The following TMEM38B variants were observed in gnomAD, a reference collection of about 807,000 sequenced individuals.
TMEM38B encodes transmembrane protein 38B.
A neutral mutation model predicts 28.7 loss-of-function variants in TMEM38B; 24 were observed. The observed-to-expected ratio is 0.84, with a 90% CI of 0.61 to 1.18. TMEM38B has a LOEUF of 1.18. Among genes scored for constraint, TMEM38B ranks in the 50% most tolerant of loss-of-function variants. TMEM38B has a pLI of 0.00. For missense variants in TMEM38B, 380 were observed against 350.9 expected, an observed-to-expected ratio of 1.08 and a Z score of -0.66; for synonymous variants, 131 against 127.7, an observed-to-expected ratio of 1.03 and a Z score of -0.17.
chr9:105,736,014 A>T (rs1048622006), intron 4 of TMEM38B, among the ~76,000 whole-genome samples: 3 of 150,758 alleles, frequency 2.0e-5, no homozygotes, highest in African/African-American at 7.3e-5. Context: ...GTATTTAGAG[A>T]TTGCTGCACC....
intron 5 of TMEM38B, among the ~76,000 whole-genome samples, chr9:105,764,236 A>G (rs1281224753): frequency 2.0e-5 from 3 of 152,192 alleles, no homozygotes; most frequent in Admixed American, 6.5e-5. Flanking sequence ...GGCTAGGGCA[A>G]TTAAGCAGGA....
chr9:105,752,369 T>A (rs1393812010), intron 5 of TMEM38B, among the ~76,000 whole-genome samples: 2 of 152,196 alleles, frequency 1.3e-5, no homozygotes, highest in Non-Finnish European at 2.9e-5. Flanking sequence ...TCCTCCTGAC[T>A]GGGTGAGACC....
chr9:105,748,088 C>T lies in TMEM38B; in HGVS notation c.558C>T (p.Thr186=), dbSNP rs745961491. 1 of 1,612,554 alleles carries T rather than the reference C, an allele frequency of 6.2e-7. No homozygotes were observed. Among genetic ancestry groups the T allele is most frequent in the African/African-American group, 1.3e-5 (1 of 74,956 alleles). Reference sequence around the variant, plus strand: ...TTATTTTCAGCCCTGCCAAGGTAACCCTGCTGGGGTCAGTTATCTTCACAT... The same window carrying T: ...TTATTTTCAGCCCTGCCAAGGTAACTCTGCTGGGGTCAGTTATCTTCACAT... ...WLKMSYPAKV[T]LLGSVIFTFQ... Residue 186 remains threonine (T), a synonymous_variant, in exon 5 of 6, where the codon ACC becomes ACT. Coordinates refer to ENST00000374692, the MANE Select transcript of TMEM38B (RefSeq NM_018112.3).
At chr9:105,764,402 A>G (rs1212600522) in intron 5 of TMEM38B, among the ~76,000 whole-genome samples, 6 of 152,164 alleles carry the variant, frequency 3.9e-5, no homozygotes, top group African/African-American at 7.2e-5. Context: ...TACAAAATCA[A>G]TGTACAAAAA....
chr9:105,718,387 C>T (rs1174245069), intron 2 of TMEM38B, among the ~76,000 whole-genome samples: 3 of 151,902 alleles, frequency 2.0e-5, no homozygotes, highest in Non-Finnish European at 2.9e-5. Context: ...TATAGGCGCC[C>T]GCCACCATGC....
Position 105,773,908 on chromosome 9 carries a change from C to G in TMEM38B, c.704C>G (p.Pro235Arg). 2 of 1,613,716 alleles carry G rather than the reference C, an allele frequency of 1.2e-6. No homozygotes were observed. The highest frequency in any genetic ancestry group is 4.5e-5 in the East Asian group (2 of 44,874). The change falls in exon 6 of 6, where the codon CCT becomes CGT. Residue 235 changes from proline (P) to arginine (R), a missense_variant. Physicochemically the swap from Pro to Arg is moderately radical, Grantham distance 103. Coordinates refer to ENST00000374692, the MANE Select transcript of TMEM38B (RefSeq NM_018112.3). Reference sequence around the variant, plus strand: ...CAGACTTCTACTATGACATTTGCTCCTTTTGAGGATACATTGAGTTGGATG... The same window carrying G: ...CAGACTTCTACTATGACATTTGCTCGTTTTGAGGATACATTGAGTTGGATG... ...TTQTSTMTFA[P>R]FEDTLSWMLF... is the part of the protein sequence containing the mutation.
At chr9:105,708,784 C>T (rs1191764518) in intron 2 of TMEM38B, among the ~76,000 whole-genome samples, 1 of 152,084 alleles carries the variant, frequency 6.6e-6, no homozygotes, top group African/African-American at 2.4e-5. Flanking sequence ...ACCTCCTCTC[C>T]CATGACTATC....
chr9:105,738,391 C>T (rs1019155156), intron 4 of TMEM38B, among the ~76,000 whole-genome samples: 3 of 151,988 alleles, frequency 2.0e-5, no homozygotes, highest in Non-Finnish European at 4.4e-5. Flanking sequence ...CTCTACATGG[C>T]CATACTCTGT....
At chr9:105,724,139 A>G (rs1836425143) in intron 4 of TMEM38B, among the ~76,000 whole-genome samples, 1 of 152,138 alleles carries the variant, frequency 6.6e-6, no homozygotes, top group South Asian at 2.1e-4. Flanking sequence ...CCTGGCCCAG[A>G]CTCAGTCTTA....
intron 1 of TMEM38B, among the ~76,000 whole-genome samples, chr9:105,699,795 T>G (rs951293793): frequency 6.6e-5 from 10 of 152,304 alleles, no homozygotes; most frequent in Admixed American, 6.5e-4. Context: ...CCCTTGCGTG[T>G]GATTGGCTAT....
intron 1 of TMEM38B, among the ~76,000 whole-genome samples, chr9:105,697,891 T>A (rs1412318453): frequency 6.6e-6 from 1 of 152,170 alleles, no homozygotes; most frequent in East Asian, 1.9e-4. Context: ...ATTCTATAGT[T>A]CTATAAAAGT....
At chr9:105,705,872 G>T in intron 2 of TMEM38B, 119 bp downstream of exon 2, 2 of 1,047,320 alleles carry the variant, frequency 1.9e-6, no homozygotes, top group Non-Finnish European at 2.7e-6. Flanking sequence ...TAATGCATCT[G>T]CAAGGAAGGA....
At chr9:105,737,110 G>C (rs1296857627) in intron 4 of TMEM38B, among the ~76,000 whole-genome samples, 1 of 152,194 alleles carries the variant, frequency 6.6e-6, no homozygotes, top group African/African-American at 2.4e-5. Flanking sequence ...TGGCCGTGGG[G>C]CCAATGTGCT....
chr9:105,738,349 G>A (rs1164960967), intron 4 of TMEM38B, among the ~76,000 whole-genome samples: 1 of 152,182 alleles, frequency 6.6e-6, no homozygotes, highest in Non-Finnish European at 1.5e-5. Flanking sequence ...GTCAGGGGAA[G>A]TAGTGGTGGA....
chr9:105,715,710 C>T (rs898309303), intron 2 of TMEM38B, among the ~76,000 whole-genome samples: 2 of 150,772 alleles, frequency 1.3e-5, no homozygotes, highest in African/African-American at 4.9e-5. Flanking sequence ...GATTTTTTTT[C>T]TTTTATCTCT....
intron 5 of TMEM38B, among the ~76,000 whole-genome samples, chr9:105,761,798 A>G (rs1838061259): frequency 6.6e-6 from 1 of 152,196 alleles, no homozygotes; most frequent in Non-Finnish European, 1.5e-5. Flanking sequence ...AGGGATTAGT[A>G]TTTCTTTTAA....
chr9:105,705,793 A>G (rs1160621149), intron 2 of TMEM38B, 40 bp downstream of exon 2: 6 of 1,563,056 alleles, frequency 3.8e-6, no homozygotes, highest in South Asian at 1.2e-5. Flanking sequence ...CATTTAAACA[A>G]TTGTGTTGTA....
At chr9:105,762,876 A>C in intron 5 of TMEM38B, among the ~76,000 whole-genome samples, 1 of 145,810 alleles carries the variant, frequency 6.9e-6, no homozygotes, top group Non-Finnish European at 1.5e-5. Flanking sequence ...TCCCACCAAC[A>C]GTGTAAAAGT....
chr9:105,707,238 TG>T (rs1265917054), intron 2 of TMEM38B, among the ~76,000 whole-genome samples: 1 of 152,204 alleles, frequency 6.6e-6, no homozygotes, highest in Non-Finnish European at 1.5e-5. Flanking sequence ...CAAATAATTA[TG>T]GCTCATATTT....
Sources: gnomAD v4.1 joint callset for allele counts (sites outside exome capture counted in the v4.1 genomes callset) on GRCh38, gnomAD v4.1.1 for gene constraint, MANE v1.5 for transcripts, NCBI Gene and HGNC (gene_info 2026-07-23, HGNC 2026-07-21) for gene names.